The following RXFP1 variants were observed in gnomAD, a reference collection of about 807,000 sequenced individuals.
RXFP1 encodes the protein relaxin family peptide receptor 1, also known as relaxin receptor 1.
RXFP1 carries 73 observed loss-of-function variants against 89.8 expected under a neutral mutation model. That is an observed-to-expected ratio of 0.81 (90% CI 0.67 to 0.99). RXFP1 has a LOEUF of 0.99. Ranked by LOEUF, RXFP1 falls within the 50% of genes least tolerant of loss-of-function variation. RXFP1 has a pLI of 0.00. For synonymous variants in RXFP1, 277 were observed against 305.5 expected (o/e 0.91, Z 0.97); for missense variants, 793 against 895.5 (o/e 0.89, Z 1.46).
At chr4:158,601,481 GTATTT>G (rs1761685238) in intron 4 of RXFP1, among the ~76,000 whole-genome samples, 1 of 152,144 alleles carries the variant, frequency 6.6e-6, no homozygotes, top group Non-Finnish European at 1.5e-5. Context: ...TATGTCTACG[GTATTT>G]TTTATTTTTT....
intron 14 of RXFP1, among the ~76,000 whole-genome samples, chr4:158,640,822 T>C (rs1561190832): frequency 6.6e-6 from 1 of 152,250 alleles, no homozygotes; most frequent in Non-Finnish European, 1.5e-5. Context: ...TGAAGGTAGT[T>C]AAGAAGAAGT....
intron 1 of RXFP1, among the ~76,000 whole-genome samples, chr4:158,548,844 T>G (rs978474879): frequency 4.1e-4 from 63 of 152,332 alleles, no homozygotes; most frequent in African/African-American, 1.4e-3. Flanking sequence ...GAGCTTCCCT[T>G]TGTGGGTAAC....
Position 158,652,234 on chromosome 4 carries a change from AATAATGTATAT to A in RXFP1, c.*183_*193del, listed in dbSNP as rs1487125328. 6 of 542,358 alleles carry A rather than the reference AATAATGTATAT, an allele frequency of 1.1e-5. No individual in the cohort carries two copies. In the East Asian group the frequency reaches 1.8e-4, roughly 16 times the overall value. 33.6% of individuals were successfully genotyped at this position (542,358 alleles called of 1,614,324 possible). On this transcript the variant is annotated 3_prime_UTR_variant, in exon 18 of 18. Coordinates refer to ENST00000307765, the MANE Select transcript of RXFP1 (RefSeq NM_021634.4). ...TCTTACAAAGGGAAGTAATTATATC[AATAATGTATAT>A]ATATTAGTAGACATTTTGCATAAGA...
chr4:158,608,050 AC>A lies in RXFP1; in HGVS notation c.536+9del. The A allele has an allele frequency of 6.4e-7, 1 of 1,570,360 alleles. No homozygotes were observed. Among genetic ancestry groups the A allele is most frequent in the Non-Finnish European group, 8.8e-7 (1 of 1,142,650 alleles). On this transcript the variant is annotated splice_region_variant and intron_variant, in intron 6 of 17. Transcript: ENST00000307765. Reference sequence around the variant, plus strand: ...TGAATAGCCTTACTAAACTGTAAGTACCAGTGTGAATTAATTTGCCCATTCC... The same window carrying A: ...TGAATAGCCTTACTAAACTGTAAGTACAGTGTGAATTAATTTGCCCATTCC...
intron 2 of RXFP1, among the ~76,000 whole-genome samples, chr4:158,592,201 CT>C (rs1238175955): frequency 1.3e-5 from 2 of 152,096 alleles, no homozygotes; most frequent in African/African-American, 4.8e-5. Flanking sequence ...AGAATAATCA[CT>C]TTAGATACCA....
intron 11 of RXFP1, among the ~76,000 whole-genome samples, chr4:158,631,998 C>T (rs1179177242): frequency 2.6e-5 from 4 of 152,200 alleles, no homozygotes; most frequent in East Asian, 1.9e-4. Flanking sequence ...GAGGCTGAGG[C>T]GGGAGCATGC....
chr4:158,610,588 A>G, intron 6 of RXFP1: 2 of 957,090 alleles, frequency 2.1e-6, no homozygotes, highest in Non-Finnish European at 2.9e-6. Context: ...TGTTGCTGAA[A>G]CCAAAATTGC....
intron 5 of RXFP1, chr4:158,606,979 A>ATGT: frequency 9.2e-7 from 1 of 1,092,104 alleles, no homozygotes; most frequent in Non-Finnish European, 1.3e-6. Flanking sequence ...ATTTAACTGA[A>ATGT]TGTTCGCTCA....
intron 14 of RXFP1, 68 bp downstream of exon 14, chr4:158,639,399 C>A: frequency 1.2e-6 from 1 of 864,616 alleles, no homozygotes; most frequent in Non-Finnish European, 1.9e-6. Flanking sequence ...TATGATAATG[C>A]ATCCAATCTA....
rs1554019537 is a variant in RXFP1 at position 158,626,152 on chromosome 4, A to ATAGT, written c.756-665_756-664insTTAG. ...GATAGATAGATAGATAGATAGATAG[A>ATAGT]TAGATAGATAGATAGATAGATAGAT... On this transcript the variant is annotated intron_variant, in intron 9 of 17. Coordinates refer to ENST00000307765, the MANE Select transcript of RXFP1 (RefSeq NM_021634.4). 3.5e-5 allele frequency among the ~76,000 whole-genome samples: 5 copies of ATAGT among 144,586 alleles called. 1 individual carries two copies. The highest frequency in any genetic ancestry group is 1.3e-4 in the African/African-American group (5 of 39,786). The allele number at this position is 144,586 out of a possible 152,430, so 94.9% of individuals were successfully genotyped here.
intron 1 of RXFP1, among the ~76,000 whole-genome samples, chr4:158,523,302 G>C (rs1741637419): frequency 1.3e-5 from 2 of 152,076 alleles, no homozygotes; most frequent in South Asian, 4.2e-4. Flanking sequence ...GAAATGAATA[G>C]ATTAAATAAG....
chr4:158,650,159 T>C (rs1016390877), intron 17 of RXFP1, among the ~76,000 whole-genome samples: 5 of 152,156 alleles, frequency 3.3e-5, no homozygotes, highest in African/African-American at 1.2e-4. Context: ...ATATTTTATT[T>C]CACTTACATG....
At chr4:158,572,986 T>A in intron 2 of RXFP1, 151 bp downstream of exon 2, 2 of 1,141,792 alleles carry the variant, frequency 1.8e-6, no homozygotes, top group Non-Finnish European at 1.2e-6. Flanking sequence ...TTCAGTAGCT[T>A]AAAATATCCA....
chr4:158,609,376 T>C (rs1377946055), intron 6 of RXFP1, among the ~76,000 whole-genome samples: 1 of 152,196 alleles, frequency 6.6e-6, no homozygotes, highest in Non-Finnish European at 1.5e-5. Flanking sequence ...ACTATCCTAA[T>C]GGGTGTGAAT....
intron 1 of RXFP1, among the ~76,000 whole-genome samples, chr4:158,542,109 A>T (rs11367133): frequency 0.42 from 15,055 of 35,546 alleles, 3,246 homozygotes; most frequent in South Asian, 0.62. Context: ...ATATATATAT[A>T]TTTTTTTTTT....
chr4:158,647,246 C>T, intron 16 of RXFP1, 45 bp downstream of exon 16: 1 of 1,453,222 alleles, frequency 6.9e-7, no homozygotes, highest in Non-Finnish European at 9.2e-7. Flanking sequence ...TATTTCAAAT[C>T]TTCCAACCAG....
chr4:158,590,140 T>C (rs903656835), intron 2 of RXFP1, among the ~76,000 whole-genome samples: 1 of 152,140 alleles, frequency 6.6e-6, no homozygotes, highest in Admixed American at 6.6e-5. Context: ...CTATATAATG[T>C]AGGGATACAT....
At chr4:158,567,260 T>C (rs1242286949) in intron 1 of RXFP1, among the ~76,000 whole-genome samples, 1 of 152,152 alleles carries the variant, frequency 6.6e-6, no homozygotes, top group Non-Finnish European at 1.5e-5. Context: ...CCAGTCCCAT[T>C]GACTGCCCTA....
intron 1 of RXFP1, among the ~76,000 whole-genome samples, chr4:158,527,269 A>C (rs1742747403): frequency 6.6e-6 from 1 of 152,084 alleles, no homozygotes; most frequent in Admixed American, 6.5e-5. Context: ...TTGGCCAGGC[A>C]TGGTGGCTCA....
Sources: gnomAD v4.1 joint callset for allele counts (sites outside exome capture counted in the v4.1 genomes callset) on GRCh38, gnomAD v4.1.1 for gene constraint, MANE v1.5 for transcripts, NCBI Gene and HGNC (gene_info 2026-07-23, HGNC 2026-07-21) for gene names.